The following GLYATL3 variants were observed in gnomAD, a reference collection of about 807,000 sequenced individuals.
GLYATL3 encodes the protein glycine-N-acyltransferase like 3, also known as glycine N-acyltransferase-like protein 3.
A neutral mutation model predicts 28.5 loss-of-function variants in GLYATL3; 31 were observed. The ratio of observed to expected loss-of-function variants is 1.09; its 90% CI spans 0.82 to 1.47. The LOEUF (loss-of-function observed/expected upper bound fraction) is 1.47, where lower values mean the gene tolerates loss of function less well. GLYATL3 is among the 40% of genes most tolerant of loss of function. The pLI is 0.00. For synonymous variants in GLYATL3, 141 were observed against 140.2 expected (o/e 1.01, Z -0.04); for missense variants, 369 against 351.5 (o/e 1.05, Z -0.40).
chr6:49,502,610 TTTGA>T (rs1421414648), intron 1 of GLYATL3, among the ~76,000 whole-genome samples: 1 of 152,190 alleles, frequency 6.6e-6, no homozygotes, highest in Non-Finnish European at 1.5e-5. Context: ...AGGTTATTAA[TTTGA>T]TTGGCCAATT....
chr6:49,512,319 G>A (rs1307345294), intron 2 of GLYATL3, among the ~76,000 whole-genome samples: 1 of 133,988 alleles, frequency 7.5e-6, no homozygotes, highest in African/African-American at 2.8e-5. Flanking sequence ...GTTCTGGGAT[G>A]CATGTGCTGA....
At chr6:49,520,076 G>A (rs1769286439) in intron 4 of GLYATL3, among the ~76,000 whole-genome samples, 2 of 152,272 alleles carry the variant, frequency 1.3e-5, no homozygotes, top group South Asian at 4.2e-4. Context: ...TTTCATTTGT[G>A]GGAAAGGAGA....
intron 1 of GLYATL3, among the ~76,000 whole-genome samples, chr6:49,502,263 A>G (rs999323602): frequency 6.6e-6 from 1 of 152,214 alleles, no homozygotes; most frequent in Non-Finnish European, 1.5e-5. Flanking sequence ...GAACAAAATT[A>G]ACAATAGTGG....
intron 2 of GLYATL3, among the ~76,000 whole-genome samples, chr6:49,515,050 T>C (rs1769190903): frequency 6.6e-6 from 1 of 152,192 alleles, no homozygotes; most frequent in Non-Finnish European, 1.5e-5. Context: ...GACATAATAA[T>C]GAATGAGACA....
At position 49,517,576 on chromosome 6, in the gene GLYATL3, T is replaced by C; in HGVS notation, c.313+20T>C. On this transcript the variant is annotated intron_variant, in intron 4 of 5. Coordinates refer to ENST00000371197, the MANE Select transcript of GLYATL3 (RefSeq NM_001010904.2). The stretch of plus-strand genomic sequence containing the variant: ...TACAAGGTGAGGTCAAGTGCAAGAC[T>C]TATATTACACAGTCTTTTTTTTCCT... The C allele has an allele frequency of 6.5e-7, 1 of 1,539,402 alleles. No homozygotes were observed. Among genetic ancestry groups the C allele is most frequent in the Non-Finnish European group, 8.8e-7 (1 of 1,140,130 alleles).
chr6:49,511,299 T>C (rs1435302584), intron 1 of GLYATL3, among the ~76,000 whole-genome samples: 2 of 152,168 alleles, frequency 1.3e-5, no homozygotes, highest in African/African-American at 4.8e-5. Context: ...ATACATTACA[T>C]TTAGGCCCTT....
intron 2 of GLYATL3, 96 bp from the exon 3 acceptor site, chr6:49,515,557 G>A: frequency 1.5e-6 from 1 of 667,942 alleles, no homozygotes; most frequent in Non-Finnish European, 2.7e-6. Context: ...CCCTCTTGTG[G>A]ACATGATTAC....
chr6:49,500,406 AT>A (rs977378928), intron 1 of GLYATL3, among the ~76,000 whole-genome samples: 3 of 152,228 alleles, frequency 2.0e-5, no homozygotes, highest in African/African-American at 7.2e-5. Context: ...GCTTAAAAAA[AT>A]GTATTTCCTC....
chr6:49,525,093 A>ATTTTT lies in GLYATL3; in HGVS notation c.441-1383_441-1379dup, dbSNP rs10630585. ...AACCACAGAAGTTCTATTCTAAAAC[A>ATTTTT]TTTTTTTTTTTTTTTTATTGAGCAA... On this transcript the variant is annotated intron_variant, in intron 5 of 5. Transcript: ENST00000371197. Among the ~76,000 whole-genome samples, 32 of 141,356 alleles carry ATTTTT rather than the reference A, an allele frequency of 2.3e-4. 2 individuals are homozygous for ATTTTT. Among genetic ancestry groups the ATTTTT allele is most frequent in the South Asian group, 2.2e-4 (1 of 4,554 alleles). 92.7% of individuals were successfully genotyped at this position (141,356 alleles called of 152,430 possible).
chr6:49,511,357 C>G (rs1025639733), intron 1 of GLYATL3, among the ~76,000 whole-genome samples: 2 of 151,994 alleles, frequency 1.3e-5, no homozygotes, highest in African/African-American at 4.8e-5. Context: ...AGCCTTTGAC[C>G]ACTTCTGATT....
intron 5 of GLYATL3, among the ~76,000 whole-genome samples, chr6:49,522,191 A>G (rs1205145201): frequency 6.6e-6 from 1 of 152,162 alleles, no homozygotes; most frequent in Admixed American, 6.6e-5. Flanking sequence ...GTCAGGGACT[A>G]CATATCTTAA....
intron 4 of GLYATL3, among the ~76,000 whole-genome samples, chr6:49,519,310 A>G (rs1005528341): frequency 6.6e-6 from 1 of 152,220 alleles, no homozygotes; most frequent in Admixed American, 6.5e-5. Flanking sequence ...TGACCCAATC[A>G]TTCTTTCTGA....
At chr6:49,504,853 G>A (rs556720965) in intron 1 of GLYATL3, among the ~76,000 whole-genome samples, 2 of 152,278 alleles carry the variant, frequency 1.3e-5, no homozygotes, top group East Asian at 3.9e-4. Flanking sequence ...GGCTTCTCCA[G>A]TTTGACAGGT....
intron 4 of GLYATL3, among the ~76,000 whole-genome samples, chr6:49,521,289 G>A (rs1320684040): frequency 2.0e-5 from 3 of 152,110 alleles, no homozygotes; most frequent in East Asian, 3.9e-4. Flanking sequence ...GACTTTTAGA[G>A]CTCTAAAATG....
At chr6:49,504,372 A>C (rs1278847971) in intron 1 of GLYATL3, among the ~76,000 whole-genome samples, 1 of 151,706 alleles carries the variant, frequency 6.6e-6, no homozygotes, top group Non-Finnish European at 1.5e-5. Context: ...TCCAAACAGG[A>C]GATTGATATT....
chr6:49,509,960 TTCTTTCTTTCTTTC>T (rs1561976834), intron 1 of GLYATL3, among the ~76,000 whole-genome samples: 4 of 117,522 alleles, frequency 3.4e-5, no homozygotes, highest in South Asian at 2.7e-4. Context: ...CTTTCTTTCT[TTCTTTCTTTCTTTC>T]TTTCTTTCTT....
intron 1 of GLYATL3, among the ~76,000 whole-genome samples, chr6:49,503,088 T>G (rs1050520946): frequency 2.0e-5 from 3 of 151,974 alleles, no homozygotes; most frequent in African/African-American, 7.2e-5. Flanking sequence ...GATAGTATAT[T>G]TATTTTGGGA....
intron 5 of GLYATL3, among the ~76,000 whole-genome samples, chr6:49,525,309 T>C (rs1364119911): frequency 6.6e-6 from 1 of 151,932 alleles, no homozygotes; most frequent in Admixed American, 6.6e-5. Flanking sequence ...ACACCTGTAA[T>C]AATCCCAACA....
At chr6:49,510,864 T>A (rs1769109138) in intron 1 of GLYATL3, among the ~76,000 whole-genome samples, 1 of 152,220 alleles carries the variant, frequency 6.6e-6, no homozygotes, top group Non-Finnish European at 1.5e-5. Context: ...CAGGGCTTGA[T>A]CATATGCTTT....
Sources: allele counts gnomAD v4.1 joint callset (sites outside exome capture counted in the v4.1 genomes callset), GRCh38; gene constraint gnomAD v4.1.1; transcripts MANE v1.5; gene names NCBI Gene and HGNC (gene_info 2026-07-23, HGNC 2026-07-21).